The following SORCS1 variants were observed in gnomAD, a reference collection of about 807,000 sequenced individuals.
SORCS1 encodes sortilin related VPS10 domain containing receptor 1, also known as VPS10 domain-containing receptor SorCS1.
SORCS1 carries 60 observed loss-of-function variants against 146.1 expected under a neutral mutation model. The observed-to-expected ratio is 0.41, with a 90% CI of 0.33 to 0.51. SORCS1 has a LOEUF of 0.51. Ranked by LOEUF, SORCS1 falls within the 20% of genes least tolerant of loss-of-function variation. The pLI is 0.21. For synonymous variants in SORCS1, 637 were observed against 584.0 expected, an observed-to-expected ratio of 1.09 and a Z score of -1.31; for missense variants, 1,352 against 1,487.6, an observed-to-expected ratio of 0.91 and a Z score of 1.50.
chr10:106,821,473 G>C (rs1161394835), intron 3 of SORCS1, among the ~76,000 whole-genome samples: 1 of 152,112 alleles, frequency 6.6e-6, no homozygotes, highest in Admixed American at 6.5e-5. Flanking sequence ...ATATAAACTT[G>C]ATCATCATAC....
intron 2 of SORCS1, among the ~76,000 whole-genome samples, chr10:106,851,122 G>A (rs907143849): frequency 2.0e-5 from 3 of 152,082 alleles, no homozygotes; most frequent in African/African-American, 7.2e-5. Flanking sequence ...CATCAGATAG[G>A]TCTTTTATAA....
chr10:106,671,504 T>C, intron 15 of SORCS1, 137 bp from the exon 16 acceptor site: 1 of 1,281,500 alleles, frequency 7.8e-7, no homozygotes, highest in Non-Finnish European at 1.1e-6. Context: ...GCTAACAACA[T>C]TTTCCTTTTG....
chr10:106,730,189 GC>G, intron 5 of SORCS1, 75 bp from the exon 6 acceptor site: 5 of 1,374,968 alleles, frequency 3.6e-6, no homozygotes, highest in Non-Finnish European at 4.1e-6. Flanking sequence ...ACTCGGCAGA[GC>G]CCCCAGACTA....
At chr10:107,132,429 C>T (rs1385196182) in intron 1 of SORCS1, among the ~76,000 whole-genome samples, 1 of 152,124 alleles carries the variant, frequency 6.6e-6, no homozygotes, top group Non-Finnish European at 1.5e-5. Context: ...TTAGTAGTTC[C>T]TTAGTTCTAG....
chr10:106,671,720 A>G (rs1309225664), intron 15 of SORCS1, among the ~76,000 whole-genome samples: 3 of 152,190 alleles, frequency 2.0e-5, no homozygotes, highest in Non-Finnish European at 4.4e-5. Flanking sequence ...CAATTCCCCT[A>G]TAATAAAAGA....
chr10:106,969,502 T>C (rs1017017709), intron 1 of SORCS1, among the ~76,000 whole-genome samples: 12 of 152,048 alleles, frequency 7.9e-5, no homozygotes, highest in South Asian at 4.2e-4. Context: ...GATGGAAGAG[T>C]TGAAAGAAGT....
chr10:107,063,007 A>G (rs1961377445), intron 1 of SORCS1, among the ~76,000 whole-genome samples: 1 of 152,164 alleles, frequency 6.6e-6, no homozygotes, highest in African/African-American at 2.4e-5. Flanking sequence ...CCTTTCCTTG[A>G]CTCGTAAGAA....
chr10:106,864,133 G>C (rs1447976329), intron 2 of SORCS1, among the ~76,000 whole-genome samples: 1 of 152,172 alleles, frequency 6.6e-6, no homozygotes, highest in South Asian at 2.1e-4. Flanking sequence ...CTAGAAACAG[G>C]TAGTGTGCTT....
intron 1 of SORCS1, among the ~76,000 whole-genome samples, chr10:106,976,328 T>G (rs1956004024): frequency 9.5e-6 from 1 of 105,818 alleles, no homozygotes; most frequent in African/African-American, 6.2e-5. Flanking sequence ...CATCTAGGTT[T>G]TTTTGTTTTT....
At chr10:106,882,883 CTGAA>C (rs1326784168) in intron 2 of SORCS1, among the ~76,000 whole-genome samples, 1 of 152,168 alleles carries the variant, frequency 6.6e-6, no homozygotes, top group African/African-American at 2.4e-5. Flanking sequence ...AGGTGGAACA[CTGAA>C]TGACTCCATT....
intron 1 of SORCS1, among the ~76,000 whole-genome samples, chr10:107,070,058 C>T (rs1278229221): frequency 6.6e-6 from 1 of 152,186 alleles, no homozygotes; most frequent in East Asian, 1.9e-4. Context: ...CAGAATATTT[C>T]ATATAAGTGG....
chr10:107,018,847 G>A (rs181187717), intron 1 of SORCS1, among the ~76,000 whole-genome samples: 48 of 152,156 alleles, frequency 3.2e-4, no homozygotes, highest in Non-Finnish European at 5.9e-4. Flanking sequence ...CTGTATGTAC[G>A]TTACACTTTA....
At chr10:107,003,242 G>A (rs1055536406) in intron 1 of SORCS1, among the ~76,000 whole-genome samples, 9 of 151,964 alleles carry the variant, frequency 5.9e-5, no homozygotes, top group African/African-American at 2.2e-4. Context: ...GCCACAGAGT[G>A]AGACTCCATC....
At chr10:107,046,103 C>A (rs1286559098) in intron 1 of SORCS1, among the ~76,000 whole-genome samples, 4 of 152,030 alleles carry the variant, frequency 2.6e-5, no homozygotes, top group African/African-American at 9.7e-5. Context: ...CGTGCCACCA[C>A]GCCCAGATAA....
chr10:106,930,138 C>T (rs571740004), intron 2 of SORCS1, among the ~76,000 whole-genome samples: 3 of 152,062 alleles, frequency 2.0e-5, no homozygotes, highest in Admixed American at 1.3e-4. Context: ...AAAAATTAGC[C>T]GGGTGTGGTG....
intron 2 of SORCS1, among the ~76,000 whole-genome samples, chr10:106,831,558 A>G (rs1948545777): frequency 6.6e-6 from 1 of 152,212 alleles, no homozygotes; most frequent in African/African-American, 2.4e-5. Context: ...GGTAAAAGTT[A>G]CAAATTCCTA....
intron 10 of SORCS1, among the ~76,000 whole-genome samples, chr10:106,685,493 G>T (rs1852763063): frequency 6.6e-6 from 1 of 152,334 alleles, no homozygotes; most frequent in South Asian, 2.1e-4. Context: ...AACTTTAGGG[G>T]ATGCTCAAGA....
intron 2 of SORCS1, among the ~76,000 whole-genome samples, chr10:106,943,364 T>A (rs1418556709): frequency 2.6e-5 from 4 of 152,174 alleles, no homozygotes; most frequent in Non-Finnish European, 5.9e-5. Context: ...TAGGTTCCTA[T>A]GAACACAGCT....
intron 14 of SORCS1, among the ~76,000 whole-genome samples, chr10:106,674,554 T>C (rs1851883329): frequency 6.6e-6 from 1 of 152,074 alleles, no homozygotes; most frequent in Non-Finnish European, 1.5e-5. Context: ...GCGTCATTAA[T>C]CTTTCACAAA....
Sources: gnomAD v4.1 joint callset for allele counts (sites outside exome capture counted in the v4.1 genomes callset) on GRCh38, gnomAD v4.1.1 for gene constraint, MANE v1.5 for transcripts, NCBI Gene and HGNC (gene_info 2026-07-23, HGNC 2026-07-21) for gene names.